Variants in ADAMTSL1 observed in about 807,000 individuals in gnomAD.
The protein encoded by ADAMTSL1 is ADAMTS like 1, also known as ADAMTS-like protein 1.
In ADAMTSL1, 126 loss-of-function variants were observed where a neutral mutation model predicts 201.8. The observed-to-expected ratio is 0.62, with a 90% CI of 0.54 to 0.72. The LOEUF is 0.72. ADAMTSL1 is among the 30% of genes least tolerant of loss of function. ADAMTSL1 has a pLI of 0.00. For synonymous variants in ADAMTSL1, 1,121 were observed against 903.4 expected, an observed-to-expected ratio of 1.24 and a Z score of -4.32; for missense variants, 2,679 against 2,277.8, an observed-to-expected ratio of 1.18 and a Z score of -3.59.
chr9:18,161,984 A>C (rs1295379750), intron 1 of ADAMTSL1, among the ~76,000 whole-genome samples: 2 of 152,020 alleles, frequency 1.3e-5, no homozygotes, highest in Non-Finnish European at 2.9e-5. Context: ...TTAGTTTTCT[A>C]TTGCTGCCAT....
chr9:18,844,631 G>A (rs925827860), intron 23 of ADAMTSL1, among the ~76,000 whole-genome samples: 5 of 152,228 alleles, frequency 3.3e-5, no homozygotes, highest in Non-Finnish European at 7.3e-5. Flanking sequence ...TCTGTGCCCT[G>A]TCCCCAGAGG....
chr9:18,669,047 C>T (rs887281581), intron 9 of ADAMTSL1, among the ~76,000 whole-genome samples: 5 of 152,204 alleles, frequency 3.3e-5, no homozygotes, highest in African/African-American at 4.8e-5. Flanking sequence ...CATCAAATCC[C>T]ACAGTCATCC....
intron 2 of ADAMTSL1, among the ~76,000 whole-genome samples, chr9:18,468,059 A>AT (rs1361856934): frequency 6.6e-6 from 1 of 152,212 alleles, no homozygotes; most frequent in Admixed American, 6.5e-5. Flanking sequence ...AACCTCAACA[A>AT]TTAAAATGAT....
At chr9:18,226,372 G>A (rs1441880286) in intron 2 of ADAMTSL1, among the ~76,000 whole-genome samples, 1 of 152,050 alleles carries the variant, frequency 6.6e-6, no homozygotes, top group African/African-American at 2.4e-5. Context: ...ATTACTTTCT[G>A]ACCTTCCCTT....
At chr9:18,144,956 C>G (rs183553701) in intron 1 of ADAMTSL1, among the ~76,000 whole-genome samples, 1 of 152,276 alleles carries the variant, frequency 6.6e-6, no homozygotes, top group Admixed American at 6.5e-5. Flanking sequence ...GGTCAGCAGG[C>G]TGCCTCATAA....
intron 3 of ADAMTSL1, among the ~76,000 whole-genome samples, chr9:18,555,562 G>A (rs1001721577): frequency 1.3e-5 from 2 of 151,824 alleles, no homozygotes; most frequent in African/African-American, 4.8e-5. Flanking sequence ...GGTTTTCATT[G>A]TTTTGGAGGA....
chr9:18,030,419 G>T (rs891726394), intron 1 of ADAMTSL1, among the ~76,000 whole-genome samples: 1 of 152,000 alleles, frequency 6.6e-6, no homozygotes, highest in Non-Finnish European at 1.5e-5. Flanking sequence ...AGTGGGGAGG[G>T]ATAGCATTAG....
intron 6 of ADAMTSL1, among the ~76,000 whole-genome samples, chr9:18,636,554 T>G (rs527936704): frequency 1.3e-5 from 2 of 152,270 alleles, no homozygotes; most frequent in East Asian, 3.9e-4. Flanking sequence ...CCTCATATCT[T>G]AAAGATAGCT....
intron 1 of ADAMTSL1, among the ~76,000 whole-genome samples, chr9:17,922,271 G>T (rs1171536062): frequency 6.6e-6 from 1 of 152,084 alleles, no homozygotes; most frequent in Non-Finnish European, 1.5e-5. Flanking sequence ...TTTCTTTTCA[G>T]TTCTGCTCAT....
At chr9:18,011,337 A>G (rs866249417) in intron 1 of ADAMTSL1, among the ~76,000 whole-genome samples, 19 of 152,172 alleles carry the variant, frequency 1.2e-4, no homozygotes, top group Admixed American at 2.6e-4. Context: ...AAAATGTTCA[A>G]CTTAAATAAA....
At chr9:18,808,559 T>C (rs1823302312) in intron 20 of ADAMTSL1, among the ~76,000 whole-genome samples, 1 of 152,190 alleles carries the variant, frequency 6.6e-6, no homozygotes, top group African/African-American at 2.4e-5. Context: ...AGCTATACAC[T>C]TGCAGCTATA....
intron 5 of ADAMTSL1, among the ~76,000 whole-genome samples, chr9:18,627,325 T>C (rs1055203526): frequency 1.3e-5 from 2 of 152,210 alleles, no homozygotes; most frequent in African/African-American, 4.8e-5. Context: ...GTAGTGGTAT[T>C]TCATACTTGT....
At chr9:17,909,072 T>A (rs1825833074) in intron 1 of ADAMTSL1, among the ~76,000 whole-genome samples, 1 of 149,462 alleles carries the variant, frequency 6.7e-6, no homozygotes, top group Admixed American at 6.7e-5. Context: ...TGATGGCCAG[T>A]GATGGTGAGC....
intron 12 of ADAMTSL1, among the ~76,000 whole-genome samples, chr9:18,683,379 C>T (rs139568541): frequency 2.0e-5 from 3 of 151,278 alleles, no homozygotes; most frequent in Non-Finnish European, 2.9e-5. Context: ...CGCATGCTGC[C>T]GTGCCCAGCT....
rs745956699 is a variant in ADAMTSL1, at chr9:18,777,481, C to T, written c.3252C>T (p.Asn1084=). The stretch of plus-strand genomic sequence containing the variant: ...GGCGCCTGGACGACATCCTGGGGAA[C>T]CTCTCCCAGCAGCCCGAGGAGCTGC... ...EQRRLDDILG[N]LSQQPEELRD... The change falls in exon 19 of 29, where the codon AAC becomes AAT. Residue 1084 remains asparagine (N), a synonymous_variant. Coordinates refer to ENST00000380548, the MANE Select transcript of ADAMTSL1 (RefSeq NM_001040272.6). 2 of 1,593,582 alleles carry T rather than the reference C, an allele frequency of 1.3e-6. No homozygotes were observed. The highest frequency in any genetic ancestry group is 2.7e-5 in the African/African-American group (2 of 74,460).
intron 2 of ADAMTSL1, among the ~76,000 whole-genome samples, chr9:18,243,992 T>C (rs750346164): frequency 5.3e-5 from 8 of 152,106 alleles, no homozygotes; most frequent in Non-Finnish European, 1.2e-4. Context: ...ATCCAACCTC[T>C]GATATGATTT....
intron 8 of ADAMTSL1, among the ~76,000 whole-genome samples, chr9:18,658,047 T>C (rs1828821024): frequency 6.7e-6 from 1 of 149,720 alleles, no homozygotes; most frequent in Admixed American, 6.7e-5. Context: ...CCATCTCGGC[T>C]CGCTGCAAGC....
At chr9:18,179,567 A>C (rs150313137) in intron 2 of ADAMTSL1, among the ~76,000 whole-genome samples, 5,012 of 152,294 alleles carry the variant, frequency 0.033, 121 homozygotes, top group Non-Finnish European at 0.054. Flanking sequence ...TCCCAGACAC[A>C]TAATTGTCAG....
chr9:18,046,272 A>G (rs1360882793), intron 1 of ADAMTSL1, among the ~76,000 whole-genome samples: 1 of 152,194 alleles, frequency 6.6e-6, no homozygotes, highest in East Asian at 1.9e-4. Flanking sequence ...CAGTCTTGCT[A>G]CTAGGCATGA....
Sources: allele counts gnomAD v4.1 joint callset (sites outside exome capture counted in the v4.1 genomes callset), GRCh38; gene constraint gnomAD v4.1.1; transcripts MANE v1.5; gene names NCBI Gene and HGNC (gene_info 2026-07-23, HGNC 2026-07-21).